The following HNRNPU variants were observed in gnomAD, a reference collection of about 807,000 sequenced individuals.
The protein encoded by HNRNPU is HNRNPU antisense RNA 1.
A neutral mutation model predicts 94.7 loss-of-function variants in HNRNPU; 5 were observed. That is an observed-to-expected ratio of 0.05 (90% CI 0.03 to 0.11). The LOEUF is 0.11. HNRNPU is among the 10% of genes least tolerant of loss of function. The pLI, the probability that HNRNPU is intolerant of heterozygous loss-of-function variation, is 1.00. For missense variants in HNRNPU, 710 were observed against 1,049.2 expected, an observed-to-expected ratio of 0.68 and a Z score of 4.47; for synonymous variants, 434 against 381.6, an observed-to-expected ratio of 1.14 and a Z score of -1.60.
rs563063596 is a variant in HNRNPU at position 244,864,330 on chromosome 1, T to C, written c.-23A>G. The C allele has an allele frequency of 1.2e-6, 2 of 1,608,618 alleles. No homozygotes were observed. The highest frequency in any genetic ancestry group is 1.1e-5 in the South Asian group (1 of 90,528). ...CATGGTGAGGGCCCCGATTCACCGC[T>C]AGGCGCTGCCTCAAACTCGGCTCCG... On this transcript the variant is annotated 5_prime_UTR_variant, in exon 1 of 14. Transcript: ENST00000640218.
chr1:244,862,462 A>C lies in HNRNPU; in HGVS notation c.876T>G (p.Thr292=). The part of the protein sequence containing the change: ...HFDDTVVCLD[T]YNCDLHFKIS... ...TTGGGGAGAAACAGCTTCACTTACA[A>C]GTATCAAGACAAACCACTGTGTCAT... is the stretch of plus-strand genomic sequence containing the variant. The change falls in exon 3 of 14, where the codon ACT becomes ACG. Residue 292 remains threonine (T), a splice_region_variant and synonymous_variant. Transcript: ENST00000640218. 1 of 1,607,744 alleles carries C rather than the reference A, an allele frequency of 6.2e-7. No individual in the cohort carries two copies. The highest frequency in any genetic ancestry group is 2.2e-5 in the East Asian group (1 of 44,820).
chr1:244,857,648 G>A lies in HNRNPU; in HGVS notation c.1564C>T (p.Pro522Ser). The A allele has an allele frequency of 6.2e-7, 1 of 1,613,420 alleles. No homozygotes were observed. The highest frequency in any genetic ancestry group is 1.3e-5 in the African/African-American group (1 of 74,992). ...GTGCCAAGAATGTTATATTTCCCTG[G>A]ATTTTCTGCTGCATGTTTAGTAACC... ...TWVTKHAAEN[P>S]GKYNILGTNT... Residue 522 changes from proline to serine, a missense_variant, in exon 8 of 14, where the codon CCA becomes TCA. Pro to Ser is a moderately conservative substitution (Grantham distance 74). This residue lies in a region of HNRNPU where 150 missense variants were observed against 187.9 expected (regional missense o/e 0.80). Transcript: ENST00000640218.
intron 8 of HNRNPU, 111 bp from the exon 9 acceptor site, chr1:244,856,967 A>G (rs963099715): frequency 3.4e-6 from 3 of 885,800 alleles, no homozygotes; most frequent in South Asian, 1.7e-5. Flanking sequence ...TATAATTTAA[A>G]TATTACCTTT....
intron 3 of HNRNPU, 41 bp downstream of exon 3, chr1:244,862,420 A>C: frequency 8.2e-7 from 1 of 1,218,060 alleles, no homozygotes; most frequent in Non-Finnish European, 1.2e-6. Flanking sequence ...AAAAACCACC[A>C]TCACCGCATT....
chr1:244,857,247 C>CTT (rs36015618), intron 8 of HNRNPU: 112 of 174,348 alleles, frequency 6.4e-4, no homozygotes, highest in South Asian at 1.0e-3. Flanking sequence ...TTTTTCTTTT[C>CTT]TTTTTTTTTT....
chr1:244,855,782 AAT>A, intron 11 of HNRNPU, 120 bp downstream of exon 11: 2 of 1,291,458 alleles, frequency 1.5e-6, no homozygotes, highest in Non-Finnish European at 1.1e-6. Flanking sequence ...AAATCACATG[AAT>A]ACTTTAGTTA....
At chr1:244,855,358 A>T in intron 12 of HNRNPU, 66 bp downstream of exon 12, 1 of 1,474,316 alleles carries the variant, frequency 6.8e-7, no homozygotes, top group Non-Finnish European at 9.4e-7. Flanking sequence ...CCCCAACATA[A>T]AGCTCACACC....
At chr1:244,855,363 C>G (rs1371635098) in intron 12 of HNRNPU, 61 bp downstream of exon 12, 27 of 1,507,092 alleles carry the variant, frequency 1.8e-5, no homozygotes, top group Non-Finnish European at 2.4e-5. Flanking sequence ...ACATAAAGCT[C>G]ACACCTTTCC....
At chr1:244,861,276 GAATTT>G (rs1224847970) in intron 3 of HNRNPU, 1 of 152,142 alleles carries the variant, frequency 6.6e-6, no homozygotes, top group Non-Finnish European at 1.5e-5. Context: ...CTAATCAACA[GAATTT>G]AATTCAACAG....
At chr1:244,857,410 C>G (rs2102986241) in intron 8 of HNRNPU, 188 bp downstream of exon 8, 1 of 557,888 alleles carries the variant, frequency 1.8e-6, no homozygotes, top group Non-Finnish European at 3.1e-6. Context: ...CCACACCCAG[C>G]TAATTTTTAA....
Position 244,854,279 on chromosome 1 carries a change from A to T in HNRNPU, c.*171T>A, listed in dbSNP as rs1680620827. On this transcript the variant is annotated 3_prime_UTR_variant, in exon 14 of 14. Coordinates refer to ENST00000640218, the MANE Select transcript of HNRNPU (RefSeq NM_031844.3). The stretch of plus-strand genomic sequence containing the variant: ...TACGATTCACTTTTAAACTGCAATT[A>T]AAAATGTACAAAAAAGAAAAGAAAA... The T allele has an allele frequency of 1.6e-6, 1 of 624,796 alleles. No individual in the cohort carries two copies. Among genetic ancestry groups the T allele is most frequent in the African/African-American group, 1.9e-5 (1 of 53,380 alleles). The allele number at this position is 624,796 out of a possible 1,614,324, so 38.7% of individuals were successfully genotyped here.
At chr1:244,858,973 T>G (rs1680753667) in intron 5 of HNRNPU, 132 bp from the exon 6 acceptor site, 1 of 604,192 alleles carries the variant, frequency 1.7e-6, no homozygotes, top group Non-Finnish European at 2.9e-6. Context: ...ACACTATTAC[T>G]TTTCTATCTC....
chr1:244,864,405 G>GGCGGCTGCGGCT lies in HNRNPU; in HGVS notation c.-110_-99dup. 5 of 1,567,118 alleles carry GGCGGCTGCGGCT rather than the reference G, an allele frequency of 3.2e-6. No homozygotes were observed. Among genetic ancestry groups the GGCGGCTGCGGCT allele is most frequent in the Non-Finnish European group, 4.3e-6 (5 of 1,161,160 alleles). On this transcript the variant is annotated 5_prime_UTR_variant, in exon 1 of 14. Coordinates refer to ENST00000640218, the MANE Select transcript of HNRNPU (RefSeq NM_031844.3). ...GCTGCGGCTGCTCCTCGGCCCGGGC[G>GGCGGCTGCGGCT]GCGGCTGCGGCTGCGGCTGGAGATG...
Position 244,858,008 on chromosome 1 carries a change from T to C in HNRNPU, c.1494+3A>G. 1 of 1,576,590 alleles carries C rather than the reference T, an allele frequency of 6.3e-7. No individual in the cohort carries two copies. Among genetic ancestry groups the C allele is most frequent in the Non-Finnish European group, 8.6e-7 (1 of 1,166,960 alleles). ...CACAGTTAAAAAAAAAAAAATCCCT[T>C]ACTTCACAATCTTTCTTCTCTTCAG... On this transcript the variant is annotated splice_donor_region_variant and intron_variant, in intron 7 of 13. Transcript: ENST00000640218.
intron 8 of HNRNPU, 52 bp from the exon 9 acceptor site, chr1:244,856,908 A>T: frequency 2.0e-6 from 3 of 1,468,358 alleles, no homozygotes; most frequent in Non-Finnish European, 2.8e-6. Context: ...TTAATAAGTT[A>T]TGCTTTTTAA....
intron 1 of HNRNPU, among the ~76,000 whole-genome samples, 189 bp downstream of exon 1, chr1:244,863,410 ACACACACACACGCGCGCG>A (rs1242133773): frequency 2.1e-5 from 3 of 143,740 alleles, no homozygotes. Context: ...ACACACACAC[ACACACACACACGCGCGCG>A]CGCACACACA....
rs772298436 is a variant in HNRNPU at position 244,859,290 on chromosome 1, T to TTG, written c.1100_1101dup (p.Ser368GlnfsTer17). On this transcript the variant is annotated frameshift_variant, in exon 5 of 14. Transcript: ENST00000640218. LOFTEE classifies it high-confidence loss of function. ...GAAGCTTTACCAAGTAACATTCCAC[T>TTG]TGTAGTTAGTGACCAGCCAATACGA... 6.4e-7 allele frequency: 1 copy of TTG among 1,564,486 alleles called. No homozygotes were observed. The highest frequency in any genetic ancestry group is 1.7e-5 in the Admixed American group (1 of 59,988).
rs535584038 is a variant in HNRNPU, at chr1:244,851,960, T to C, written c.*2490A>G. The C allele has an allele frequency of 6.6e-6, 1 of 152,342 alleles. No individual in the cohort carries two copies. The highest frequency in any genetic ancestry group is 2.1e-4 in the South Asian group (1 of 4,828). The allele number at this position is 152,342 out of a possible 1,614,324, so 9.4% of individuals were successfully genotyped here. On this transcript the variant is annotated 3_prime_UTR_variant, in exon 14 of 14. Transcript: ENST00000640218. ...AGTTTACACTCAGCATGTGTTATTC[T>C]ACTTTAAAATATAACCTTAGTGAAA...
chr1:244,856,629 TA>T lies in HNRNPU; in HGVS notation c.1744-5del, dbSNP rs770379796. ...GGGCAGCAGCAGACACATTTGTCTT[TA>T]AAAAAAGAAATTTATGTTTACAACC... On this transcript the variant is annotated splice_region_variant and splice_polypyrimidine_tract_variant and intron_variant, in intron 9 of 13. Coordinates refer to ENST00000640218, the MANE Select transcript of HNRNPU (RefSeq NM_031844.3). 1.2e-6 allele frequency: 2 copies of T among 1,611,452 alleles called. No homozygotes were observed. The highest frequency in any genetic ancestry group is 1.7e-6 in the Non-Finnish European group (2 of 1,179,330).
Sources: gnomAD v4.1 joint callset for allele counts (sites outside exome capture counted in the v4.1 genomes callset) on GRCh38, gnomAD v4.1.1 for gene constraint, gnomAD v4.1.1 regional missense constraint, MANE v1.5 for transcripts, NCBI Gene and HGNC (gene_info 2026-07-23, HGNC 2026-07-21) for gene names.